The following IGF1R variants were observed in gnomAD, a reference collection of about 807,000 sequenced individuals.
IGF1R encodes insulin like growth factor 1 receptor.
A neutral mutation model predicts 144.6 loss-of-function variants in IGF1R; 44 were observed. The observed-to-expected ratio is 0.30, with a 90% CI of 0.24 to 0.39. IGF1R has a LOEUF of 0.39. IGF1R is among the 10% of genes least tolerant of loss of function. The pLI is 1.00. For synonymous variants in IGF1R, 795 were observed against 722.8 expected, an observed-to-expected ratio of 1.10 and a Z score of -1.60; for missense variants, 1,355 against 1,833.7, an observed-to-expected ratio of 0.74 and a Z score of 4.77.
chr15:98,863,203 G>T (rs2012254063), intron 2 of IGF1R, among the ~76,000 whole-genome samples: 1 of 152,120 alleles, frequency 6.6e-6, no homozygotes, highest in African/African-American at 2.4e-5. Flanking sequence ...TAAATTTGGG[G>T]GGTACATTTT....
rs528233310 is a variant in IGF1R, at chr15:98,730,238, T to A, written c.640+22131T>A. Among the ~76,000 whole-genome samples, 110 of 152,280 alleles carry A rather than the reference T, an allele frequency of 7.2e-4. No individual in the cohort carries two copies. The South Asian group carries it at 0.011, about 15-fold the overall frequency. Reference sequence around the variant, plus strand: ...TACTACATCTGTGATTTTCAATTTTTTTTTTTTTAACTAGACCCACAGTAA... The same window carrying A: ...TACTACATCTGTGATTTTCAATTTTATTTTTTTTAACTAGACCCACAGTAA... On this transcript the variant is annotated intron_variant, in intron 2 of 20. Coordinates refer to ENST00000650285, the MANE Select transcript of IGF1R (RefSeq NM_000875.5).
chr15:98,957,924 G>A lies in IGF1R; in HGVS notation c.*482G>A, dbSNP rs2017074368. 1 of 239,104 alleles carries A rather than the reference G, an allele frequency of 4.2e-6. No individual in the cohort carries two copies. The highest frequency in any genetic ancestry group is 8.2e-6 in the Non-Finnish European group (1 of 121,856). 14.8% of individuals were successfully genotyped at this position (239,104 alleles called of 1,614,324 possible). A position where few individuals can be genotyped will look rare whatever the true frequency, so the allele number is the denominator to read the frequency against. On this transcript the variant is annotated 3_prime_UTR_variant, in exon 21 of 21. Transcript: ENST00000650285. The stretch of plus-strand genomic sequence containing the variant: ...CGTGGGTCATTACAAAAAAACACGT[G>A]GAGATGGAAATTTTTACCTTTATCT...
chr15:98,676,475 C>T (rs955100473), intron 1 of IGF1R, among the ~76,000 whole-genome samples: 3 of 152,000 alleles, frequency 2.0e-5, no homozygotes, highest in African/African-American at 2.4e-5. Context: ...ACTGATTTGC[C>T]TTTTGTTTGT....
intron 2 of IGF1R, among the ~76,000 whole-genome samples, chr15:98,719,493 C>G (rs2054197554): frequency 6.6e-6 from 1 of 152,174 alleles, no homozygotes; most frequent in African/African-American, 2.4e-5. Context: ...GGAAAAGTCA[C>G]TGGGTGCCAA....
rs530174071 is a variant in IGF1R, at chr15:98,704,973, G to T, written c.95-2589G>T. Among the ~76,000 whole-genome samples the T allele has an allele frequency of 2.6e-5, 4 of 152,182 alleles. No homozygotes were observed. Among genetic ancestry groups the T allele is most frequent in the Admixed American group, 2.6e-4 (4 of 15,286 alleles). Reference sequence around the variant, plus strand: ...GAGCAACTCAGAGAATGAGAGTGCTGCAGTTTACAAGCTTGGAAGGTGGAT... The same window carrying T: ...GAGCAACTCAGAGAATGAGAGTGCTTCAGTTTACAAGCTTGGAAGGTGGAT... On this transcript the variant is annotated intron_variant, in intron 1 of 20. Transcript: ENST00000650285. The surrounding 1 kb of genome is among the most constrained non-coding windows in gnomAD (Gnocchi z 4.9).
At chr15:98,710,415 A>G (rs2053965521) in intron 2 of IGF1R, among the ~76,000 whole-genome samples, 2 of 152,022 alleles carry the variant, frequency 1.3e-5, no homozygotes, top group Non-Finnish European at 2.9e-5. Flanking sequence ...TTAGACCTGC[A>G]TTGTCCAGTG....
At chr15:98,691,289 C>A (rs2053468771) in intron 1 of IGF1R, among the ~76,000 whole-genome samples, 1 of 151,878 alleles carries the variant, frequency 6.6e-6, no homozygotes, top group South Asian at 2.1e-4. Flanking sequence ...TCCTTGGTGA[C>A]TTTGACAGTT....
chr15:98,843,145 C>A (rs1011483526), intron 2 of IGF1R, among the ~76,000 whole-genome samples: 1 of 152,160 alleles, frequency 6.6e-6, no homozygotes, highest in African/African-American at 2.4e-5. Context: ...TTGCTCTTAC[C>A]ATTCTTTCAT....
chr15:98,867,588 C>T (rs1217269745), intron 2 of IGF1R, among the ~76,000 whole-genome samples: 1 of 152,128 alleles, frequency 6.6e-6, no homozygotes, highest in African/African-American at 2.4e-5. Flanking sequence ...GAATCCTTAC[C>T]TCTAATTATT....
chr15:98,821,293 C>G (rs867548790), intron 2 of IGF1R, among the ~76,000 whole-genome samples: 1,641 of 150,596 alleles, frequency 0.011, 42 homozygotes, highest in African/African-American at 0.039. Context: ...TCCCCCCCCC[C>G]TTTTTAAACT....
At chr15:98,851,245 C>T (rs929200165) in intron 2 of IGF1R, among the ~76,000 whole-genome samples, 8 of 152,190 alleles carry the variant, frequency 5.3e-5, no homozygotes, top group East Asian at 1.9e-4. Context: ...ACATGCCAGG[C>T]GGGCAGGGCC....
intron 5 of IGF1R, among the ~76,000 whole-genome samples, chr15:98,902,462 G>A (rs887127198): frequency 7.2e-6 from 1 of 139,798 alleles, no homozygotes; most frequent in Non-Finnish European, 1.5e-5. Context: ...GTGTCGCCCA[G>A]GCTGGAGTGT....
At chr15:98,816,257 AAT>A (rs1376214799) in intron 2 of IGF1R, among the ~76,000 whole-genome samples, 2 of 152,196 alleles carry the variant, frequency 1.3e-5, no homozygotes, top group Non-Finnish European at 2.9e-5. Flanking sequence ...AATTCCCATC[AAT>A]AACTACAAGA....
chr15:98,844,134 T>A (rs887996489), intron 2 of IGF1R, among the ~76,000 whole-genome samples: 1 of 152,208 alleles, frequency 6.6e-6, no homozygotes, highest in Non-Finnish European at 1.5e-5. Flanking sequence ...TAAAATAGAA[T>A]TACATGAGAT....
At chr15:98,808,457 G>C (rs1418127336) in intron 2 of IGF1R, among the ~76,000 whole-genome samples, 1 of 152,162 alleles carries the variant, frequency 6.6e-6, no homozygotes, top group African/African-American at 2.4e-5. Flanking sequence ...TCAGCCCCTT[G>C]AGATTACTGT....
At chr15:98,785,132 C>T (rs2141402868) in intron 2 of IGF1R, among the ~76,000 whole-genome samples, 1 of 152,318 alleles carries the variant, frequency 6.6e-6, no homozygotes, top group East Asian at 1.9e-4. Flanking sequence ...AATTTTGCAA[C>T]TGGAATTTGA....
chr15:98,846,627 A>G (rs532120403), intron 2 of IGF1R, among the ~76,000 whole-genome samples: 1 of 152,310 alleles, frequency 6.6e-6, no homozygotes, highest in Non-Finnish European at 1.5e-5. Flanking sequence ...TGGTCTTCTC[A>G]GGGGTCCCTG....
chr15:98,879,699 C>T (rs886992979), intron 2 of IGF1R, among the ~76,000 whole-genome samples: 4 of 152,106 alleles, frequency 2.6e-5, no homozygotes, highest in Non-Finnish European at 5.9e-5. Context: ...GACCAGTGTA[C>T]CTGTGATTTT....
chr15:98,928,379 T>C (rs2015807962), intron 13 of IGF1R, among the ~76,000 whole-genome samples: 1 of 152,220 alleles, frequency 6.6e-6, no homozygotes, highest in African/African-American at 2.4e-5. Context: ...GACATGACAG[T>C]GCCTTCTCTT....
Sources: gnomAD v4.1 joint callset for allele counts (sites outside exome capture counted in the v4.1 genomes callset) on GRCh38, gnomAD v4.1.1 for gene constraint, Gnocchi (gnomAD v3.1) non-coding constraint, MANE v1.5 for transcripts, NCBI Gene and HGNC (gene_info 2026-07-23, HGNC 2026-07-21) for gene names.